KCNQ1OT1: variants seen among roughly 807,000 people sequenced by gnomAD.
KCNQ1OT1 encodes KCNQ1 antisense RNA 2 (non-protein coding).
Position 2,673,234 on chromosome 11 carries a change from C to T in KCNQ1OT1, n.26761G>A. 2.5e-6 allele frequency: 1 copy of T among 398,704 alleles called. No individual in the cohort carries two copies. Among genetic ancestry groups the T allele is most frequent in the East Asian group, 3.6e-5 (1 of 28,078 alleles). The allele number at this position is 398,704 out of a possible 1,614,324, so 24.7% of individuals were successfully genotyped here. A position where few individuals can be genotyped will look rare whatever the true frequency, so the allele number is the denominator to read the frequency against. ...AGGCAAGCTGAGTCCCCTGTAGATT[C>T]TGGGGACTGGGTGATGCAGACTGCA... is the stretch of plus-strand genomic sequence containing the variant. On this transcript the variant is annotated non_coding_transcript_exon_variant, in exon 1 of 1. Transcript: ENST00000597346. The surrounding 1 kb of genome is among the most constrained non-coding windows in gnomAD (Gnocchi z 4.5).
chr11:2,625,139 T>C (rs983993486), exon 1 of KCNQ1OT1: 18 of 398,566 alleles, frequency 4.5e-5, no homozygotes, highest in Admixed American at 8.8e-5. Flanking sequence ...TTTTTAATTT[T>C]TGAAGGAACA....
At position 2,669,720 on chromosome 11, in the gene KCNQ1OT1, C is replaced by T. The variant is rs534616863; in HGVS notation, n.30275G>A. 8.8e-5 allele frequency: 35 copies of T among 398,588 alleles called. No homozygotes were observed. In the Admixed American group the frequency reaches 8.8e-4, roughly 10 times the overall value. 24.7% of individuals were successfully genotyped at this position (398,588 alleles called of 1,614,324 possible). On this transcript the variant is annotated non_coding_transcript_exon_variant, in exon 1 of 1. Coordinates refer to ENST00000597346, the Ensembl canonical transcript of KCNQ1OT1. The surrounding 1 kb of genome is among the most constrained non-coding windows in gnomAD (Gnocchi z 5.6). ...TAGGCATCCAGCCACATACCTGACT[C>T]GGGGAAATGCCTGAAAATATTAGCC...
chr11:2,628,444 A>C (rs1849295397), exon 1 of KCNQ1OT1: 1 of 398,362 alleles, frequency 2.5e-6, no homozygotes, highest in Non-Finnish European at 4.4e-6. Context: ...TCTTTGAATA[A>C]ATGTCTATTC....
rs1304520647 is a variant in KCNQ1OT1 at position 2,611,360 on chromosome 11, C to T, written n.88635G>A. The T allele has an allele frequency of 1.0e-5, 4 of 397,382 alleles. No homozygotes were observed. In the Admixed American group the frequency reaches 1.3e-4, roughly 13 times the overall value. 24.6% of individuals were successfully genotyped at this position (397,382 alleles called of 1,614,324 possible). A position where few individuals can be genotyped will look rare whatever the true frequency, so the allele number is the denominator to read the frequency against. On this transcript the variant is annotated non_coding_transcript_exon_variant, in exon 1 of 1. Transcript: ENST00000597346. This position sits in a 1 kb window ranked among gnomAD's most constrained non-coding sequence, Gnocchi z 5.3. ...TCAGCATCCCAAGTAGCTGGGACTA[C>T]AGGCATTTGCCACCATACCCAGCTA...
exon 1 of KCNQ1OT1, chr11:2,632,182 CAAAA>C (rs34998500): frequency 2.8e-3 from 865 of 308,474 alleles, no homozygotes; most frequent in Admixed American, 3.4e-3. Context: ...GACTCTGCCT[CAAAA>C]AAAAAAAAAA....
rs1361074715 is a variant in KCNQ1OT1 at position 2,663,674 on chromosome 11, A to G, written n.36321T>C. ...AGGAGAGGGCCATCACCCACAGTCCATCTAGCTGGGCAGCCAGGCCTTACC... is the reference window on the plus strand; with the variant it reads ...AGGAGAGGGCCATCACCCACAGTCCGTCTAGCTGGGCAGCCAGGCCTTACC... On this transcript the variant is annotated non_coding_transcript_exon_variant, in exon 1 of 1. Coordinates refer to ENST00000597346, the Ensembl canonical transcript of KCNQ1OT1. This position sits in a 1 kb window ranked among gnomAD's most constrained non-coding sequence, Gnocchi z 5.2. 2 of 398,586 alleles carry G rather than the reference A, an allele frequency of 5.0e-6. No individual in the cohort carries two copies. Among genetic ancestry groups the G allele is most frequent in the East Asian group, 3.6e-5 (1 of 28,084 alleles). The allele number at this position is 398,586 out of a possible 1,614,324, so 24.7% of individuals were successfully genotyped here.
chr11:2,677,127 A>C lies in KCNQ1OT1; in HGVS notation n.22868T>G, dbSNP rs1291828380. 1 of 398,524 alleles carries C rather than the reference A, an allele frequency of 2.5e-6. No homozygotes were observed. The highest frequency in any genetic ancestry group is 4.4e-6 in the Non-Finnish European group (1 of 226,074). 24.7% of individuals were successfully genotyped at this position (398,524 alleles called of 1,614,324 possible). ...CTTATGAAATTAGTTTCCCTGAAAC[A>C]TCCCTCCCTATTGAACACTGTTGTT... On this transcript the variant is annotated non_coding_transcript_exon_variant, in exon 1 of 1. Transcript: ENST00000597346. This position sits in a 1 kb window ranked among gnomAD's most constrained non-coding sequence, Gnocchi z 4.5.
chr11:2,610,716 CTTTTTTTTTTTT>C (rs1167505141), exon 1 of KCNQ1OT1: 3,489 of 226,484 alleles, frequency 0.015, no homozygotes, highest in Middle Eastern at 0.028. Flanking sequence ...TCTTGGTTGG[CTTTTTTTTTTTT>C]TTTTTTTTTT....
At chr11:2,666,393 C>A (rs977557792) in exon 1 of KCNQ1OT1, 5 of 398,564 alleles carry the variant, frequency 1.3e-5, no homozygotes, top group African/African-American at 6.2e-5. Context: ...CTTCGCAAAT[C>A]CTTGAGCAAA....
At chr11:2,694,965 T>G (rs1380728669) in exon 1 of KCNQ1OT1, 2 of 398,538 alleles carry the variant, frequency 5.0e-6, no homozygotes, top group African/African-American at 4.1e-5. Context: ...TTGGCAGATT[T>G]AACAAAGAAG....
exon 1 of KCNQ1OT1, chr11:2,655,844 C>A: frequency 5.0e-6 from 2 of 398,676 alleles, no homozygotes; most frequent in Non-Finnish European, 8.8e-6. Flanking sequence ...AACCTCTCCT[C>A]TTGAATTGGA....
exon 1 of KCNQ1OT1, chr11:2,609,278 CATTG>C (rs1158816211): frequency 5.0e-6 from 2 of 398,124 alleles, no homozygotes; most frequent in East Asian, 3.6e-5. Context: ...TTCTTTCACC[CATTG>C]ATTATTTAAG....
In KCNQ1OT1 at chr11:2,678,778, C is replaced by G. The variant is rs1850337336; in HGVS notation, n.21217G>C. 1 of 398,600 alleles carries G rather than the reference C, an allele frequency of 2.5e-6. No individual in the cohort carries two copies. 24.7% of individuals were successfully genotyped at this position (398,600 alleles called of 1,614,324 possible). ...GTTTGGGACTGAGGCTTCATCGTGG[C>G]AGCTAATAATGTCAGGGAGCATGAG... On this transcript the variant is annotated non_coding_transcript_exon_variant, in exon 1 of 1. Transcript: ENST00000597346. This position sits in a 1 kb window ranked among gnomAD's most constrained non-coding sequence, Gnocchi z 4.9.
In KCNQ1OT1 at chr11:2,672,426, C is replaced by T. The variant is rs555495135; in HGVS notation, n.27569G>A. The T allele has an allele frequency of 1.6e-4, 64 of 398,552 alleles. No homozygotes were observed. The highest frequency in any genetic ancestry group is 1.1e-3 in the African/African-American group (55 of 48,696). The allele number at this position is 398,552 out of a possible 1,614,324, so 24.7% of individuals were successfully genotyped here. A position where few individuals can be genotyped will look rare whatever the true frequency, so the allele number is the denominator to read the frequency against. On this transcript the variant is annotated non_coding_transcript_exon_variant, in exon 1 of 1. Coordinates refer to ENST00000597346, the Ensembl canonical transcript of KCNQ1OT1. ...TAGGGGATGAGAGTACAGAACAGTCCACCCCAGGGGCTCTGAAGAGCTTCA... is the reference window on the plus strand; with the variant it reads ...TAGGGGATGAGAGTACAGAACAGTCTACCCCAGGGGCTCTGAAGAGCTTCA...
exon 1 of KCNQ1OT1, chr11:2,655,065 C>CT: frequency 2.5e-6 from 1 of 398,572 alleles, no homozygotes; most frequent in Non-Finnish European, 4.4e-6. Context: ...TCCTTCTAGT[C>CT]TTTTTTCTGT....
At chr11:2,660,258 A>G (rs1849928154) in exon 1 of KCNQ1OT1, 2 of 398,354 alleles carry the variant, frequency 5.0e-6, no homozygotes, top group South Asian at 1.3e-4. Context: ...CATCTGTCCT[A>G]TCAGGCATAG....
At chr11:2,699,567 G>A (rs919259318) in exon 1 of KCNQ1OT1, 15 of 307,018 alleles carry the variant, frequency 4.9e-5, no homozygotes, top group Non-Finnish European at 7.7e-5. Flanking sequence ...GGAGAACCAT[G>A]CTGAGGAGCC....
chr11:2,699,071 A>T (rs148835915), exon 1 of KCNQ1OT1: 3 of 398,548 alleles, frequency 7.5e-6, no homozygotes, highest in African/African-American at 6.2e-5. Context: ...CAAAACCACA[A>T]CATGGATTCC....
chr11:2,696,575 A>G (rs190538266), exon 1 of KCNQ1OT1: 1 of 398,538 alleles, frequency 2.5e-6, no homozygotes, highest in Admixed American at 4.4e-5. Context: ...ATTTTAGAAT[A>G]TGTTTGTTAA....
Sources: allele counts gnomAD v4.1 joint callset, GRCh38; gene constraint gnomAD v4.1.1; non-coding constraint Gnocchi (gnomAD v3.1); transcripts MANE v1.5; gene names NCBI Gene and HGNC (gene_info 2026-07-23, HGNC 2026-07-21).